Variants in NRG3 observed in about 807,000 individuals in gnomAD.
The protein encoded by NRG3 is pro-neuregulin-3, membrane-bound isoform.
A neutral mutation model predicts 66.9 loss-of-function variants in NRG3; 31 were observed. The ratio of observed to expected loss-of-function variants is 0.46; its 90% confidence interval spans 0.35 to 0.63. The LOEUF (loss-of-function observed/expected upper bound fraction) is 0.63, where lower values mean the gene tolerates loss of function less well. Among genes scored for constraint, NRG3 ranks in the 20% least tolerant of loss-of-function variants. NRG3 has a pLI of 0.00. For synonymous variants in NRG3, 393 were observed against 359.4 expected, an observed-to-expected ratio of 1.09 and a Z score of -1.06; for missense variants, 910 against 878.9, an observed-to-expected ratio of 1.04 and a Z score of -0.45.
chr10:82,102,396 T>G (rs1268128142), intron 1 of NRG3, among the ~76,000 whole-genome samples: 1 of 151,204 alleles, frequency 6.6e-6, no homozygotes, highest in East Asian at 1.9e-4. Context: ...GTAGGGCCTT[T>G]TTTTAATGAA....
intron 1 of NRG3, among the ~76,000 whole-genome samples, chr10:82,258,013 G>C (rs1447840551): frequency 6.6e-6 from 1 of 152,096 alleles, no homozygotes; most frequent in African/African-American, 2.4e-5. Context: ...TCAATTACCA[G>C]ATACTCCCCA....
At chr10:82,515,482 G>A (rs1845568402) in intron 2 of NRG3, among the ~76,000 whole-genome samples, 1 of 152,156 alleles carries the variant, frequency 6.6e-6, no homozygotes, top group African/African-American at 2.4e-5. Flanking sequence ...TGTCATTGAT[G>A]ACTCTATTGT....
At chr10:82,749,095 G>A (rs1222693891) in intron 3 of NRG3, among the ~76,000 whole-genome samples, 1 of 152,104 alleles carries the variant, frequency 6.6e-6, no homozygotes, top group Non-Finnish European at 1.5e-5. Context: ...TGTAAAACTT[G>A]AGGGCTTGGA....
intron 2 of NRG3, among the ~76,000 whole-genome samples, chr10:82,545,155 T>C (rs935525541): frequency 6.6e-6 from 1 of 152,086 alleles, no homozygotes; most frequent in Non-Finnish European, 1.5e-5. Flanking sequence ...ATCTAGGAGC[T>C]TTTCCTCTGG....
intron 3 of NRG3, among the ~76,000 whole-genome samples, chr10:82,749,110 G>C (rs964442106): frequency 1.6e-4 from 25 of 152,106 alleles, no homozygotes; most frequent in Admixed American, 8.5e-4. Context: ...CTTGGAGAGA[G>C]GAGGGTTTTA....
intron 3 of NRG3, among the ~76,000 whole-genome samples, chr10:82,757,707 A>G (rs2059134696): frequency 6.6e-6 from 1 of 152,132 alleles, no homozygotes; most frequent in South Asian, 2.1e-4. Context: ...TAACCAGGCC[A>G]CAAGCAGGCA....
intron 1 of NRG3, among the ~76,000 whole-genome samples, chr10:81,946,230 T>C (rs1198373218): frequency 6.6e-6 from 1 of 152,110 alleles, no homozygotes; most frequent in Admixed American, 6.6e-5. Context: ...TTGGTCAGGC[T>C]GGTTTCAAAC....
At chr10:82,007,159 A>G (rs988038225) in intron 1 of NRG3, among the ~76,000 whole-genome samples, 2 of 150,836 alleles carry the variant, frequency 1.3e-5, no homozygotes. Context: ...TATAACTGTC[A>G]TTGTGCTATT....
chr10:82,783,070 A>G (rs2060187463), intron 3 of NRG3, among the ~76,000 whole-genome samples: 1 of 152,252 alleles, frequency 6.6e-6, no homozygotes, highest in Non-Finnish European at 1.5e-5. Context: ...AAATCAATAA[A>G]TGTAATCCAG....
Position 82,496,210 on chromosome 10 carries a change from C to T in NRG3, c.953+137342C>T, listed in dbSNP as rs184570733. 1.2e-4 allele frequency among the ~76,000 whole-genome samples: 18 copies of T among 152,158 alleles called. No individual in the cohort carries two copies. In the East Asian group the frequency reaches 2.1e-3, roughly 18 times the overall value. On this transcript the variant is annotated intron_variant, in intron 2 of 8. Transcript: ENST00000372141. ...TTTAGGTTTGTAACATGGTTGTTAGCGATAAAATTTGAAGAAGAATTAAGG... is the reference window on the plus strand; with the variant it reads ...TTTAGGTTTGTAACATGGTTGTTAGTGATAAAATTTGAAGAAGAATTAAGG...
chr10:82,455,705 C>T (rs989410931), intron 2 of NRG3, among the ~76,000 whole-genome samples: 2 of 151,582 alleles, frequency 1.3e-5, no homozygotes, highest in African/African-American at 4.9e-5. Flanking sequence ...AGCTCCGCCT[C>T]CCGGGTTCAC....
At chr10:82,330,931 C>T (rs1373134841) in intron 1 of NRG3, among the ~76,000 whole-genome samples, 2 of 152,174 alleles carry the variant, frequency 1.3e-5, no homozygotes, top group Non-Finnish European at 2.9e-5. Flanking sequence ...GTGTTTTCTA[C>T]TGAACAACAT....
chr10:82,881,910 C>T (rs991552347), intron 4 of NRG3, among the ~76,000 whole-genome samples: 2 of 152,120 alleles, frequency 1.3e-5, no homozygotes, highest in African/African-American at 4.8e-5. Context: ...TCCAGAAACC[C>T]TCAAGGACAG....
intron 1 of NRG3, among the ~76,000 whole-genome samples, chr10:82,356,495 T>C (rs928318045): frequency 2.0e-5 from 3 of 152,220 alleles, no homozygotes; most frequent in African/African-American, 7.2e-5. Context: ...ATAGAGAGAT[T>C]GATTCTGTGT....
intron 3 of NRG3, among the ~76,000 whole-genome samples, chr10:82,863,724 A>T (rs1004176967): frequency 1.3e-5 from 2 of 151,994 alleles, no homozygotes; most frequent in African/African-American, 4.8e-5. Context: ...TATTCTTTGT[A>T]TTGCACATTC....
At chr10:82,766,226 G>A (rs2059507809) in intron 3 of NRG3, among the ~76,000 whole-genome samples, 1 of 152,104 alleles carries the variant, frequency 6.6e-6, no homozygotes, top group Admixed American at 6.6e-5. Context: ...GTGAATGTAC[G>A]AAAGTAAACA....
intron 2 of NRG3, among the ~76,000 whole-genome samples, chr10:82,665,015 G>C (rs1426020055): frequency 6.6e-6 from 1 of 152,106 alleles, no homozygotes; most frequent in African/African-American, 2.4e-5. Context: ...TTCTCACGAT[G>C]ATGTCCATTA....
At chr10:82,974,074 A>C (rs1852020149) in intron 7 of NRG3, among the ~76,000 whole-genome samples, 159 bp downstream of exon 7, 1 of 152,170 alleles carries the variant, frequency 6.6e-6, no homozygotes, top group Non-Finnish European at 1.5e-5. Context: ...CACATCAGGT[A>C]AAGCAAAGAT....
chr10:82,500,676 C>G (rs1844088986), intron 2 of NRG3, among the ~76,000 whole-genome samples: 1 of 152,188 alleles, frequency 6.6e-6, no homozygotes, highest in Non-Finnish European at 1.5e-5. Context: ...CTGTTCTAAA[C>G]AGTGACTATG....
Sources: allele counts gnomAD v4.1 joint callset (sites outside exome capture counted in the v4.1 genomes callset), GRCh38; gene constraint gnomAD v4.1.1; transcripts MANE v1.5; gene names NCBI Gene and HGNC (gene_info 2026-07-23, HGNC 2026-07-21).